Variants in TMEM132D observed in about 807,000 individuals in gnomAD.
The protein encoded by TMEM132D is transmembrane protein 132D, also known as mature OL transmembrane protein.
TMEM132D carries 21 observed loss-of-function variants against 62.3 expected under a neutral mutation model. That is an observed-to-expected ratio of 0.34 (90% CI 0.24 to 0.49). The LOEUF (loss-of-function observed/expected upper bound fraction) is 0.49, where lower values mean the gene tolerates loss of function less well. Among genes scored for constraint, TMEM132D ranks in the 20% least tolerant of loss-of-function variants. The pLI, the probability that TMEM132D is intolerant of heterozygous loss-of-function variation, is 0.99. For missense variants in TMEM132D, 1,346 were observed against 1,402.8 expected, an observed-to-expected ratio of 0.96 and a Z score of 0.65; for synonymous variants, 621 against 575.6, an observed-to-expected ratio of 1.08 and a Z score of -1.13.
intron 2 of TMEM132D, among the ~76,000 whole-genome samples, chr12:129,537,941 CA>C (rs5801860): frequency 0.88 from 133,391 of 152,212 alleles, 58,564 homozygotes; most frequent in East Asian, 0.99. Flanking sequence ...GTTGAAAACT[CA>C]AAACTGCAGA....
intron 3 of TMEM132D, among the ~76,000 whole-genome samples, chr12:129,490,428 T>C (rs1324090767): frequency 8.1e-6 from 1 of 122,834 alleles, no homozygotes. Flanking sequence ...CTTTCCTTTT[T>C]TTTTTTTTTT....
chr12:129,804,506 A>T (rs1871907417), intron 1 of TMEM132D, among the ~76,000 whole-genome samples: 1 of 150,872 alleles, frequency 6.6e-6, no homozygotes, highest in Non-Finnish European at 1.5e-5. Context: ...CATGCTAAAA[A>T]CTCTCAATAA....
In TMEM132D at chr12:129,073,897, T is replaced by C; in HGVS notation, c.3278A>G (p.Glu1093Gly). 1 of 1,548,954 alleles carries C rather than the reference T, an allele frequency of 6.5e-7. No homozygotes were observed. Among genetic ancestry groups the C allele is most frequent in the Non-Finnish European group, 8.7e-7 (1 of 1,150,030 alleles). The change falls in exon 9 of 9, where the codon GAG (glutamate) becomes GGG (glycine). Residue 1093 changes from glutamate (E) to glycine (G), a missense_variant. Transcript: ENST00000422113. ...GDCKELHNYMERLHENV is the reference protein window; with the variant it reads ...GDCKELHNYMGRLHENV ...GGCTTACACATTTTCATGTAACCTC[T>C]CCATGTAGTTGTGCAGCTCTTTGCA...
intron 1 of TMEM132D, among the ~76,000 whole-genome samples, chr12:129,785,061 C>T (rs1281940120): frequency 6.6e-6 from 1 of 152,224 alleles, no homozygotes; most frequent in Non-Finnish European, 1.5e-5. Flanking sequence ...TGAACTTCCA[C>T]AATCATGAGC....
At chr12:129,077,001 A>T (rs1874282341) in intron 8 of TMEM132D, among the ~76,000 whole-genome samples, 1 of 152,202 alleles carries the variant, frequency 6.6e-6, no homozygotes, top group African/African-American at 2.4e-5. Flanking sequence ...CAAGAATTCG[A>T]TTCTGTTATT....
At chr12:129,510,758 ATAATTATTTTTTGCCATT>A (rs1393118111) in intron 3 of TMEM132D, among the ~76,000 whole-genome samples, 6 of 152,094 alleles carry the variant, frequency 3.9e-5, no homozygotes, top group Admixed American at 6.5e-5. Context: ...CCAGCGTCTA[ATAATTATTTTTTGCCATT>A]TCTTTCAGCA....
intron 5 of TMEM132D, among the ~76,000 whole-genome samples, chr12:129,150,026 C>T (rs1877025158): frequency 6.6e-6 from 1 of 152,220 alleles, no homozygotes; most frequent in Non-Finnish European, 1.5e-5. Context: ...CATTGCATTT[C>T]GTCAGATGTA....
At position 129,294,449 on chromosome 12, in the gene TMEM132D, C is replaced by T. The variant is rs143915458; in HGVS notation, c.1299+43185G>A. 2.1e-3 allele frequency among the ~76,000 whole-genome samples: 322 copies of T among 151,306 alleles called. 1 individual carries two copies. Among genetic ancestry groups the T allele is most frequent in the African/African-American group, 7.0e-3 (288 of 41,400 alleles). On this transcript the variant is annotated intron_variant, in intron 4 of 8. Coordinates refer to ENST00000422113, the MANE Select transcript of TMEM132D (RefSeq NM_133448.3). ...CATATATGAATCTTTACAGCTGTGC[C>T]CCATGCTTAACACAGGGCCTCTCAC...
chr12:129,404,099 C>G (rs559949074), intron 3 of TMEM132D, among the ~76,000 whole-genome samples: 1 of 152,174 alleles, frequency 6.6e-6, no homozygotes, highest in Admixed American at 6.5e-5. Flanking sequence ...GATGGGGATG[C>G]AGTTGGAGGT....
At chr12:129,832,035 C>CTT (rs71085577) in intron 1 of TMEM132D, among the ~76,000 whole-genome samples, 4,738 of 93,590 alleles carry the variant, frequency 0.051, 539 homozygotes, top group African/African-American at 0.082. Flanking sequence ...ATGCCCGGCT[C>CTT]TTTTTTTTTT....
intron 3 of TMEM132D, among the ~76,000 whole-genome samples, chr12:129,377,809 T>C (rs1870826680): frequency 6.6e-6 from 1 of 152,246 alleles, no homozygotes; most frequent in African/African-American, 2.4e-5. Context: ...TTATGCATCC[T>C]GACTTAGTTT....
Position 129,477,170 on chromosome 12 carries a change from G to A in TMEM132D, c.1115+53889C>T, listed in dbSNP as rs914704912. Among the ~76,000 whole-genome samples the A allele has an allele frequency of 1.1e-4, 16 of 152,220 alleles. No individual in the cohort carries two copies. The East Asian group carries it at 2.7e-3, about 26-fold the overall frequency. On this transcript the variant is annotated intron_variant, in intron 3 of 8. Transcript: ENST00000422113. ...CCCATGAGATGCCAGCAGCAACCCC[G>A]TCTCCTTGGTCGTGACAATGAAAAA...
chr12:129,766,252 A>T (rs1188306314), intron 1 of TMEM132D, among the ~76,000 whole-genome samples: 2 of 10,418 alleles, frequency 1.9e-4, no homozygotes, highest in Non-Finnish European at 0.011. Context: ...ACTACTACTT[A>T]GAGATTAGCC....
At chr12:129,276,906 C>T (rs1044739852) in intron 4 of TMEM132D, among the ~76,000 whole-genome samples, 1 of 152,166 alleles carries the variant, frequency 6.6e-6, no homozygotes, top group South Asian at 2.1e-4. Context: ...AAATCAAAAC[C>T]ATTGCTATTC....
rs1875965363 is a variant in TMEM132D at position 129,524,847 on chromosome 12, C to T, written c.1115+6212G>A. Among the ~76,000 whole-genome samples, 3 of 151,656 alleles carry T rather than the reference C, an allele frequency of 2.0e-5. No homozygotes were observed. In the South Asian group the frequency reaches 6.2e-4, roughly 32 times the overall value. ...TCCAGCCTAGCGACAGAGTGAGACTCCGTCTCAAAAGAAAAGAGTTCTCTG... is the reference window on the plus strand; with the variant it reads ...TCCAGCCTAGCGACAGAGTGAGACTTCGTCTCAAAAGAAAAGAGTTCTCTG... On this transcript the variant is annotated intron_variant, in intron 3 of 8. Coordinates refer to ENST00000422113, the MANE Select transcript of TMEM132D (RefSeq NM_133448.3).
chr12:129,367,086 C>A (rs1369449836), intron 3 of TMEM132D, among the ~76,000 whole-genome samples: 1 of 152,218 alleles, frequency 6.6e-6, no homozygotes, highest in Admixed American at 6.5e-5. Flanking sequence ...CGGCTGAGCA[C>A]AGGGTGGCCC....
chr12:129,297,737 C>T (rs568973260), intron 4 of TMEM132D, among the ~76,000 whole-genome samples: 2 of 152,238 alleles, frequency 1.3e-5, no homozygotes, highest in African/African-American at 4.8e-5. Context: ...GTTATCAGGT[C>T]GTTATCAAAC....
At chr12:129,578,175 G>A (rs531274773) in intron 2 of TMEM132D, among the ~76,000 whole-genome samples, 7 of 152,070 alleles carry the variant, frequency 4.6e-5, no homozygotes, top group South Asian at 4.2e-4. Flanking sequence ...CTCAGTCCTC[G>A]AGCCTTCGGT....
chr12:129,490,707 C>A (rs536990895), intron 3 of TMEM132D, among the ~76,000 whole-genome samples: 91 of 147,334 alleles, frequency 6.2e-4, no homozygotes, highest in Middle Eastern at 3.7e-3. Flanking sequence ...TCAGCCTCGG[C>A]CTCCCAAAGT....
Sources: allele counts gnomAD v4.1 joint callset (sites outside exome capture counted in the v4.1 genomes callset), GRCh38; gene constraint gnomAD v4.1.1; transcripts MANE v1.5; gene names NCBI Gene and HGNC (gene_info 2026-07-23, HGNC 2026-07-21).